Variants in SEPTIN9 observed in about 807,000 individuals in gnomAD.
SEPTIN9 encodes the protein septin-9.
A neutral mutation model predicts 56.6 loss-of-function variants in SEPTIN9; 13 were observed. That is an observed-to-expected ratio of 0.23 (90% CI 0.15 to 0.37). The LOEUF (loss-of-function observed/expected upper bound fraction) is 0.37. Among genes scored for constraint, SEPTIN9 ranks in the 10% least tolerant of loss-of-function variants. The probability of loss-of-function intolerance (pLI) is 1.00; values close to 1 mark genes in which losing one functional copy is unlikely to be tolerated. For synonymous variants in SEPTIN9, 332 were observed against 334.1 expected (o/e 0.99, Z 0.07); for missense variants, 650 against 823.1 (o/e 0.79, Z 2.57).
In SEPTIN9 at chr17:77,476,477, G is replaced by C. The variant is rs545145249; in HGVS notation, c.722-5667G>C. On this transcript the variant is annotated intron_variant, in intron 3 of 11. Coordinates refer to ENST00000427177, the MANE Select transcript of SEPTIN9 (RefSeq NM_001113491.2). This position sits in a 1 kb window ranked among gnomAD's most constrained non-coding sequence, Gnocchi z 6.0. Reference sequence around the variant, plus strand: ...TCACTAAGTGCAGATGTTCCCAGAGGGTGCTGGCTCAGGGCTGCGTGGATT... The same window carrying C: ...TCACTAAGTGCAGATGTTCCCAGAGCGTGCTGGCTCAGGGCTGCGTGGATT... 2.0e-5 allele frequency among the ~76,000 whole-genome samples: 3 copies of C among 152,328 alleles called. No homozygotes were observed. Among genetic ancestry groups the C allele is most frequent in the African/African-American group, 7.2e-5 (3 of 41,574 alleles).
rs1192358137 is a variant in SEPTIN9, at chr17:77,429,501, C to T, written c.721+26798C>T. On this transcript the variant is annotated intron_variant, in intron 3 of 11. Coordinates refer to ENST00000427177, the MANE Select transcript of SEPTIN9 (RefSeq NM_001113491.2). The surrounding 1 kb of genome is among the most constrained non-coding windows in gnomAD (Gnocchi z 5.2). ...CAGAGAGGGCATCCAAAAAGGCCAACAGTTCGGTGGGGAGAGGAGGCGCAA... is the reference window on the plus strand; with the variant it reads ...CAGAGAGGGCATCCAAAAAGGCCAATAGTTCGGTGGGGAGAGGAGGCGCAA... Among the ~76,000 whole-genome samples the T allele has an allele frequency of 5.3e-5, 8 of 152,176 alleles. No individual in the cohort carries two copies. Among genetic ancestry groups the T allele is most frequent in the Non-Finnish European group, 8.8e-5 (6 of 68,032 alleles).
intron 3 of SEPTIN9, among the ~76,000 whole-genome samples, chr17:77,443,114 G>T (rs1011705010): frequency 2.6e-5 from 4 of 152,178 alleles, no homozygotes; most frequent in Non-Finnish European, 4.4e-5. Context: ...CATATTATGG[G>T]CTGGGTGCAA....
chr17:77,295,792 C>T (rs572087157), intron 1 of SEPTIN9, among the ~76,000 whole-genome samples: 1 of 151,990 alleles, frequency 6.6e-6, no homozygotes, highest in Non-Finnish European at 1.5e-5. Flanking sequence ...CCCACCGCCC[C>T]CCACCCCACG....
intron 2 of SEPTIN9, among the ~76,000 whole-genome samples, chr17:77,336,771 T>C (rs939568615): frequency 3.9e-5 from 6 of 152,198 alleles, no homozygotes; most frequent in African/African-American, 1.4e-4. Context: ...TAGTAGTGAT[T>C]AGTGGACATC....
intron 1 of SEPTIN9, among the ~76,000 whole-genome samples, chr17:77,283,484 G>C (rs761806924): frequency 1.3e-4 from 20 of 149,342 alleles, no homozygotes; most frequent in Non-Finnish European, 2.8e-4. Context: ...CCCTTTTCCG[G>C]GTACGGGCAC....
chr17:77,486,789 A>G (rs2039811577), intron 4 of SEPTIN9, among the ~76,000 whole-genome samples: 1 of 152,076 alleles, frequency 6.6e-6, no homozygotes, highest in Admixed American at 6.5e-5. Context: ...CTCGAGTGGC[A>G]CCACCCTGCA....
intron 2 of SEPTIN9, among the ~76,000 whole-genome samples, chr17:77,388,341 G>A (rs371857662): frequency 3.3e-5 from 5 of 152,044 alleles, no homozygotes; most frequent in African/African-American, 1.2e-4. Flanking sequence ...AATCTTCTGC[G>A]TCCAGTTGCG....
chr17:77,446,378 T>C (rs1472648752), intron 3 of SEPTIN9: 1 of 157,022 alleles, frequency 6.4e-6, no homozygotes, highest in Non-Finnish European at 1.5e-5. Context: ...TTTTTTTTTT[T>C]GAGACGGAGT....
At position 77,405,252 on chromosome 17, in the gene SEPTIN9, C is replaced by G; in HGVS notation, c.721+2549C>G. On this transcript the variant is annotated intron_variant, in intron 3 of 11. Coordinates refer to ENST00000427177, the MANE Select transcript of SEPTIN9 (RefSeq NM_001113491.2). The surrounding 1 kb of genome is among the most constrained non-coding windows in gnomAD (Gnocchi z 5.8). The stretch of plus-strand genomic sequence containing the variant: ...CCGGGAGCCAGGCCCAGGGACACAA[C>G]CTGCGGGCTCTGCTTTCTGGAGCTC... 1 of 890,190 alleles carries G rather than the reference C, an allele frequency of 1.1e-6. No homozygotes were observed. The highest frequency in any genetic ancestry group is 1.7e-6 in the Non-Finnish European group (1 of 588,784). 55.1% of individuals were successfully genotyped at this position (890,190 alleles called of 1,614,324 possible).
rs900561727 is a variant in SEPTIN9 at position 77,371,539 on chromosome 17, AG to A, written c.77-30514del. Among the ~76,000 whole-genome samples, 3 of 152,154 alleles carry A rather than the reference AG, an allele frequency of 2.0e-5. No homozygotes were observed. The highest frequency in any genetic ancestry group is 7.2e-5 in the African/African-American group (3 of 41,424). On this transcript the variant is annotated intron_variant, in intron 2 of 11. Transcript: ENST00000427177. The surrounding 1 kb of genome is among the most constrained non-coding windows in gnomAD (Gnocchi z 4.1). ...GTTGTGCCGGACCCGGCATCTTCCC[AG>A]GGGGGCTGTGTTGTTGGGCTGAGTT...
intron 1 of SEPTIN9, chr17:77,288,067 G>A (rs999244409): frequency 8.5e-6 from 9 of 1,063,340 alleles, no homozygotes; most frequent in Non-Finnish European, 1.0e-5. Context: ...TGGGTTAGGG[G>A]GCACGGAGGG....
chr17:77,288,525 C>A (rs942394649), intron 1 of SEPTIN9, among the ~76,000 whole-genome samples: 2 of 152,202 alleles, frequency 1.3e-5, no homozygotes, highest in African/African-American at 2.4e-5. Context: ...CCTTGTTCCG[C>A]AGATCAACCT....
At chr17:77,455,949 G>A (rs1156478484) in intron 3 of SEPTIN9, among the ~76,000 whole-genome samples, 9 of 152,184 alleles carry the variant, frequency 5.9e-5, no homozygotes, top group African/African-American at 1.4e-4. Context: ...GCATTTCCTC[G>A]GGGATTTGAA....
intron 2 of SEPTIN9, chr17:77,320,364 C>T (rs2032866947): frequency 6.2e-7 from 1 of 1,610,142 alleles, no homozygotes; most frequent in East Asian, 2.2e-5. Flanking sequence ...CAGACAGCCC[C>T]CTCCCCATCG....
chr17:77,360,915 C>A (rs1475206108), intron 2 of SEPTIN9, among the ~76,000 whole-genome samples: 4 of 76,798 alleles, frequency 5.2e-5, no homozygotes, highest in African/African-American at 2.3e-4. Context: ...GTCTTTCATC[C>A]TTTTTTTTTT....
At position 77,475,226 on chromosome 17, in the gene SEPTIN9, C is replaced by G. The variant is rs150644254; in HGVS notation, c.722-6918C>G. The G allele has an allele frequency of 7.7e-7, 1 of 1,290,698 alleles. No homozygotes were observed. Among genetic ancestry groups the G allele is most frequent in the African/African-American group, 1.5e-5 (1 of 67,450 alleles). 80.0% of individuals were successfully genotyped at this position (1,290,698 alleles called of 1,614,324 possible). A position where few individuals can be genotyped will look rare whatever the true frequency, so the allele number is the denominator to read the frequency against. On this transcript the variant is annotated intron_variant, in intron 3 of 11. Coordinates refer to ENST00000427177, the MANE Select transcript of SEPTIN9 (RefSeq NM_001113491.2). The surrounding 1 kb of genome is among the most constrained non-coding windows in gnomAD (Gnocchi z 4.6). Reference sequence around the variant, plus strand: ...TGGGGGGGTTGTGGTGAGAGGAAACCGCACACATCATTATTCAGTTACCAT... The same window carrying G: ...TGGGGGGGTTGTGGTGAGAGGAAACGGCACACATCATTATTCAGTTACCAT...
chr17:77,350,850 C>T (rs925477254), intron 2 of SEPTIN9, among the ~76,000 whole-genome samples: 3 of 152,286 alleles, frequency 2.0e-5, no homozygotes, highest in East Asian at 1.9e-4. Context: ...CCAGACAGAC[C>T]TTTTATCAAA....
At chr17:77,316,423 T>C (rs4789442) in intron 2 of SEPTIN9, among the ~76,000 whole-genome samples, 18,149 of 152,284 alleles carry the variant, frequency 0.12, 1,362 homozygotes, top group South Asian at 0.25. Context: ...GGAGGGGAGA[T>C]GGACCTCAGG....
At chr17:77,478,731 G>A (rs1245997987) in intron 3 of SEPTIN9, among the ~76,000 whole-genome samples, 1 of 151,872 alleles carries the variant, frequency 6.6e-6, no homozygotes, top group African/African-American at 2.4e-5. Flanking sequence ...TGAACCTGGG[G>A]AGGCAGAGGT....
Sources: gnomAD v4.1 joint callset for allele counts (sites outside exome capture counted in the v4.1 genomes callset) on GRCh38, gnomAD v4.1.1 for gene constraint, Gnocchi (gnomAD v3.1) non-coding constraint, MANE v1.5 for transcripts, NCBI Gene and HGNC (gene_info 2026-07-23, HGNC 2026-07-21) for gene names.